CNTN5: variants seen among roughly 807,000 people sequenced by gnomAD.
CNTN5 encodes the protein contactin-5.
Under a neutral mutation model 129.1 loss-of-function variants are expected in CNTN5, and 77 were observed. That is an observed-to-expected ratio of 0.60 (90% CI 0.50 to 0.72). The LOEUF is 0.72. Ranked by LOEUF, CNTN5 falls within the 30% of genes least tolerant of loss-of-function variation. The pLI is 0.00. For missense variants in CNTN5, 1,478 were observed against 1,328.8 expected, an observed-to-expected ratio of 1.11 and a Z score of -1.75; for synonymous variants, 509 against 465.6, an observed-to-expected ratio of 1.09 and a Z score of -1.20.
At chr11:99,270,077 G>A (rs1265843719) in intron 1 of CNTN5, among the ~76,000 whole-genome samples, 2 of 151,764 alleles carry the variant, frequency 1.3e-5, no homozygotes, top group Middle Eastern at 3.4e-3. Flanking sequence ...GTGTACGTTT[G>A]TATCCTGTGC....
chr11:100,199,326 G>C (rs920920665), intron 15 of CNTN5, among the ~76,000 whole-genome samples: 1 of 151,756 alleles, frequency 6.6e-6, no homozygotes, highest in Non-Finnish European at 1.5e-5. Context: ...ATCTCACTAA[G>C]GGCCTATCCT....
chr11:99,227,643 C>T lies in CNTN5; in HGVS notation c.-209-97703C>T, dbSNP rs534980368. Among the ~76,000 whole-genome samples, 8 of 152,206 alleles carry T rather than the reference C, an allele frequency of 5.3e-5. No individual in the cohort carries two copies. In the South Asian group the frequency reaches 1.7e-3, roughly 32 times the overall value. On this transcript the variant is annotated intron_variant, in intron 1 of 24. Transcript: ENST00000524871. ...GGAAAACTCTTTTGTCCTTGTGCTT[C>T]AATGCGTTATCAATAATAAAGAAGG...
chr11:99,842,700 T>G (rs556429569), intron 4 of CNTN5, among the ~76,000 whole-genome samples: 12 of 152,364 alleles, frequency 7.9e-5, no homozygotes, highest in African/African-American at 2.2e-4. Context: ...AAGTTAATTC[T>G]TAAAATTTGA....
At chr11:99,600,010 A>G (rs1398446313) in intron 3 of CNTN5, among the ~76,000 whole-genome samples, 1 of 152,178 alleles carries the variant, frequency 6.6e-6, no homozygotes, top group Non-Finnish European at 1.5e-5. Context: ...GACTTTTAAG[A>G]ACTGATACGA....
At position 99,375,620 on chromosome 11, in the gene CNTN5, A is replaced by C. The variant is rs935959745; in HGVS notation, c.-71+50136A>C. Among the ~76,000 whole-genome samples, 5 of 152,342 alleles carry C rather than the reference A, an allele frequency of 3.3e-5. No homozygotes were observed. In the East Asian group the frequency reaches 9.6e-4, roughly 29 times the overall value. The stretch of plus-strand genomic sequence containing the variant: ...CAGTGATTTACAAAATTACAAATTT[A>C]CAAAATTACAAAAATATAAGAGTGA... On this transcript the variant is annotated intron_variant, in intron 2 of 24. Transcript: ENST00000524871.
At chr11:99,141,647 A>T (rs1224400117) in intron 1 of CNTN5, among the ~76,000 whole-genome samples, 1 of 152,052 alleles carries the variant, frequency 6.6e-6, no homozygotes, top group Non-Finnish European at 1.5e-5. Context: ...AGCACTATAT[A>T]CTTCTAACAC....
chr11:100,094,557 T>C (rs1364986044), intron 13 of CNTN5, among the ~76,000 whole-genome samples: 1 of 152,026 alleles, frequency 6.6e-6, no homozygotes, highest in Non-Finnish European at 1.5e-5. Flanking sequence ...ATGTGTGTTG[T>C]GGAGGGGTGA....
intron 21 of CNTN5, among the ~76,000 whole-genome samples, chr11:100,320,022 A>G (rs1951655830): frequency 6.6e-6 from 1 of 152,208 alleles, no homozygotes; most frequent in Non-Finnish European, 1.5e-5. Flanking sequence ...TGAACATGAG[A>G]GTGCAGATGT....
At chr11:99,816,123 T>C (rs1347654487) in intron 3 of CNTN5, among the ~76,000 whole-genome samples, 1 of 152,336 alleles carries the variant, frequency 6.6e-6, no homozygotes, top group East Asian at 1.9e-4. Context: ...AACTATTGAA[T>C]GCTTCCTTGT....
intron 6 of CNTN5, among the ~76,000 whole-genome samples, chr11:99,861,234 G>T (rs953714680): frequency 1.3e-5 from 2 of 152,178 alleles, no homozygotes; most frequent in African/African-American, 2.4e-5. Flanking sequence ...TGGGATTACA[G>T]GCGTGAGCCA....
chr11:99,214,019 T>TA (rs1232573308), intron 1 of CNTN5, among the ~76,000 whole-genome samples: 7 of 152,076 alleles, frequency 4.6e-5, no homozygotes, highest in Admixed American at 3.9e-4. Context: ...ATTGCGAGAA[T>TA]AAAAAAATGC....
At chr11:99,325,122 A>G (rs1017524607) in intron 1 of CNTN5, among the ~76,000 whole-genome samples, 5 of 152,056 alleles carry the variant, frequency 3.3e-5, no homozygotes, top group African/African-American at 1.2e-4. Flanking sequence ...ATGTTATATT[A>G]TTAAATATAA....
At chr11:99,851,301 A>G (rs1223049770) in intron 6 of CNTN5, among the ~76,000 whole-genome samples, 1 of 152,196 alleles carries the variant, frequency 6.6e-6, no homozygotes, top group Non-Finnish European at 1.5e-5. Flanking sequence ...AATTAAAAAC[A>G]TAAGCGCAAA....
intron 3 of CNTN5, among the ~76,000 whole-genome samples, chr11:99,591,761 A>G (rs924568796): frequency 3.9e-5 from 6 of 152,166 alleles, no homozygotes; most frequent in African/African-American, 1.4e-4. Context: ...AGGTGTCCTG[A>G]ATAAGGATAA....
At chr11:99,343,552 C>G (rs1265986559) in intron 2 of CNTN5, among the ~76,000 whole-genome samples, 1 of 152,078 alleles carries the variant, frequency 6.6e-6, no homozygotes, top group Non-Finnish European at 1.5e-5. Context: ...GTAAAAAGCC[C>G]TGTGCATAGT....
chr11:99,795,894 C>G (rs1007032203), intron 3 of CNTN5, among the ~76,000 whole-genome samples: 14 of 152,192 alleles, frequency 9.2e-5, no homozygotes, highest in Admixed American at 3.3e-4. Flanking sequence ...TCACAACACT[C>G]TGTTGAATGT....
At chr11:99,189,256 T>C (rs947201322) in intron 1 of CNTN5, among the ~76,000 whole-genome samples, 3 of 151,692 alleles carry the variant, frequency 2.0e-5, no homozygotes, top group East Asian at 3.9e-4. Flanking sequence ...TACACGTACA[T>C]ATATATTTAT....
At chr11:99,273,522 C>G (rs1189114360) in intron 1 of CNTN5, among the ~76,000 whole-genome samples, 2 of 151,572 alleles carry the variant, frequency 1.3e-5, no homozygotes, top group Non-Finnish European at 2.9e-5. Context: ...TAGTGAAAGC[C>G]GATCGGAATG....
At chr11:99,452,568 T>G (rs1048268076) in intron 2 of CNTN5, among the ~76,000 whole-genome samples, 2 of 151,962 alleles carry the variant, frequency 1.3e-5, no homozygotes, top group African/African-American at 4.8e-5. Flanking sequence ...GAGACGAGGT[T>G]TCACTGTGTT....
Sources: gnomAD v4.1 joint callset for allele counts (sites outside exome capture counted in the v4.1 genomes callset) on GRCh38, gnomAD v4.1.1 for gene constraint, MANE v1.5 for transcripts, NCBI Gene and HGNC (gene_info 2026-07-23, HGNC 2026-07-21) for gene names.